The following PTPRN2 variants were observed in gnomAD, a reference collection of about 807,000 sequenced individuals.
PTPRN2 encodes receptor-type tyrosine-protein phosphatase N2.
PTPRN2 carries 74 observed loss-of-function variants against 118.8 expected under a neutral mutation model. The observed-to-expected ratio is 0.62, with a 90% CI of 0.52 to 0.76. The LOEUF is 0.76. Among genes scored for constraint, PTPRN2 ranks in the 30% least tolerant of loss-of-function variants. PTPRN2 has a pLI of 0.00. For missense variants in PTPRN2, 1,481 were observed against 1,394.4 expected, an observed-to-expected ratio of 1.06 and a Z score of -0.99; for synonymous variants, 641 against 608.0, an observed-to-expected ratio of 1.05 and a Z score of -0.80.
At chr7:158,582,679 C>T (rs530145319) in intron 1 of PTPRN2, among the ~76,000 whole-genome samples, 4 of 151,560 alleles carry the variant, frequency 2.6e-5, no homozygotes, top group Non-Finnish European at 5.9e-5. Flanking sequence ...TGCCTGTAGT[C>T]CCAGCTATTC....
In PTPRN2 at chr7:158,071,414, CCTG is replaced by C. The variant is rs1423567811; in HGVS notation, c.1723+9881_1723+9883del. Among the ~76,000 whole-genome samples, 158 of 39,116 alleles carry C rather than the reference CCTG, an allele frequency of 4.0e-3. 2 individuals carry two copies. The highest frequency in any genetic ancestry group is 8.8e-3 in the Admixed American group (28 of 3,164). The allele number at this position is 39,116 out of a possible 152,430, so 25.7% of individuals were successfully genotyped here. A position where few individuals can be genotyped will look rare whatever the true frequency, so the allele number is the denominator to read the frequency against. On this transcript the variant is annotated intron_variant, in intron 11 of 22. Transcript: ENST00000389418. ...TGGAGGTGCTCGTGGTGGAGTTGCT[CCTG>C]GTGGTGGAGGTGCTCGTGGTGGTGG...
chr7:158,000,436 GC>G (rs1188121311), intron 11 of PTPRN2, among the ~76,000 whole-genome samples: 2 of 151,998 alleles, frequency 1.3e-5, no homozygotes, highest in African/African-American at 4.8e-5. Context: ...CCGTGGAGAG[GC>G]CGGGATGAAA....
chr7:158,007,839 G>A (rs1225597159), intron 11 of PTPRN2, among the ~76,000 whole-genome samples: 2 of 148,852 alleles, frequency 1.3e-5, no homozygotes, highest in Non-Finnish European at 3.0e-5. Flanking sequence ...GGGGGTGTGT[G>A]GGTGTGTGTG....
At chr7:158,553,943 C>G (rs2129450364) in intron 1 of PTPRN2, among the ~76,000 whole-genome samples, 1 of 152,282 alleles carries the variant, frequency 6.6e-6, no homozygotes, top group East Asian at 1.9e-4. Flanking sequence ...TAAACACACA[C>G]AGGCTTGGGA....
At chr7:158,341,386 C>A (rs1300114689) in intron 2 of PTPRN2, among the ~76,000 whole-genome samples, 1 of 150,488 alleles carries the variant, frequency 6.6e-6, no homozygotes, top group Non-Finnish European at 1.5e-5. Flanking sequence ...CACACCCACA[C>A]TCTCACCATA....
intron 9 of PTPRN2, among the ~76,000 whole-genome samples, chr7:158,130,760 T>TACAC (rs201073096): frequency 0.02 from 2,754 of 140,514 alleles, 69 homozygotes; most frequent in African/African-American, 0.063. Flanking sequence ...CTACCTGACA[T>TACAC]ACTCATATAC....
chr7:158,556,223 G>A (rs1379238389), intron 1 of PTPRN2, among the ~76,000 whole-genome samples: 5 of 151,940 alleles, frequency 3.3e-5, no homozygotes, highest in Non-Finnish European at 7.4e-5. Context: ...GGTAAAGATA[G>A]ATTAGATAGA....
intron 9 of PTPRN2, among the ~76,000 whole-genome samples, chr7:158,126,064 C>T (rs1398723438): frequency 2.9e-5 from 4 of 135,916 alleles, no homozygotes; most frequent in East Asian, 2.2e-4. Context: ...CCCAGGACAG[C>T]GGGCGGCGGA....
At position 157,629,515 on chromosome 7, in the gene PTPRN2, G is replaced by A. The variant is rs903896536; in HGVS notation, c.2197-8006C>T. Among the ~76,000 whole-genome samples the A allele has an allele frequency of 1.3e-5, 2 of 152,206 alleles. No homozygotes were observed. Among genetic ancestry groups the A allele is most frequent in the Non-Finnish European group, 2.9e-5 (2 of 68,008 alleles). ...GACTATTTAAAAATGAGCAAAAGCC[G>A]GTCCATCTGGCATTATTTCTCATCA... is the stretch of plus-strand genomic sequence containing the variant. On this transcript the variant is annotated intron_variant, in intron 14 of 22. Coordinates refer to ENST00000389418, the MANE Select transcript of PTPRN2 (RefSeq NM_002847.5). The surrounding 1 kb of genome is among the most constrained non-coding windows in gnomAD (Gnocchi z 4.4).
intron 11 of PTPRN2, among the ~76,000 whole-genome samples, chr7:157,978,186 C>T (rs1301451845): frequency 6.6e-6 from 1 of 151,952 alleles, no homozygotes; most frequent in East Asian, 1.9e-4. Context: ...AGACACGGCT[C>T]CTCTGGCACA....
At chr7:158,393,256 C>T (rs1258921817) in intron 2 of PTPRN2, among the ~76,000 whole-genome samples, 1 of 152,228 alleles carries the variant, frequency 6.6e-6, no homozygotes, top group Non-Finnish European at 1.5e-5. Context: ...ATCCTGCAAA[C>T]ATCCAAGAGA....
intron 2 of PTPRN2, among the ~76,000 whole-genome samples, chr7:158,417,976 T>A (rs536350383): frequency 2.6e-5 from 4 of 151,194 alleles, no homozygotes; most frequent in African/African-American, 9.7e-5. Context: ...TAGCTCTCAG[T>A]GTCCCACTGT....
At chr7:157,693,943 G>A (rs1221187918) in intron 12 of PTPRN2, among the ~76,000 whole-genome samples, 3 of 152,252 alleles carry the variant, frequency 2.0e-5, no homozygotes, top group African/African-American at 7.2e-5. Context: ...GCCACCCTGG[G>A]CCTCGGACAG....
At chr7:158,341,719 G>A (rs1467825277) in intron 2 of PTPRN2, among the ~76,000 whole-genome samples, 2 of 133,186 alleles carry the variant, frequency 1.5e-5, no homozygotes, top group Non-Finnish European at 1.6e-5. Flanking sequence ...TCTCACCATA[G>A]AGCTGACGCC....
At chr7:158,353,359 A>G (rs1276640878) in intron 2 of PTPRN2, among the ~76,000 whole-genome samples, 1 of 152,232 alleles carries the variant, frequency 6.6e-6, no homozygotes, top group Admixed American at 6.5e-5. Context: ...TCCTAAAACT[A>G]TGAGTGGACA....
chr7:158,085,482 CCCACG>C (rs1813282046), intron 10 of PTPRN2, among the ~76,000 whole-genome samples: 1 of 124,498 alleles, frequency 8.0e-6, no homozygotes. Context: ...CCCATCCACA[CCCACG>C]ACGCCCATCC....
At chr7:158,430,629 G>C (rs1330000885) in intron 2 of PTPRN2, among the ~76,000 whole-genome samples, 18 of 152,248 alleles carry the variant, frequency 1.2e-4, no homozygotes, top group Non-Finnish European at 2.6e-4. Context: ...AAGAGACGCA[G>C]CATGGCTGCG....
chr7:157,640,849 T>C (rs566167035), intron 14 of PTPRN2, among the ~76,000 whole-genome samples: 1 of 152,060 alleles, frequency 6.6e-6, no homozygotes, highest in African/African-American at 2.4e-5. Flanking sequence ...ATCAAAGACA[T>C]TTTCAGACAA....
At chr7:158,540,479 A>G (rs1027050737) in intron 1 of PTPRN2, among the ~76,000 whole-genome samples, 40 of 152,072 alleles carry the variant, frequency 2.6e-4, no homozygotes, top group African/African-American at 8.9e-4. Context: ...TCGGGGGGCA[A>G]TGAGGAGCCC....
Sources: allele counts gnomAD v4.1 joint callset (sites outside exome capture counted in the v4.1 genomes callset), GRCh38; gene constraint gnomAD v4.1.1; non-coding constraint Gnocchi (gnomAD v3.1); transcripts MANE v1.5; gene names NCBI Gene and HGNC (gene_info 2026-07-23, HGNC 2026-07-21).